ZC3HAV1: variants seen among roughly 807,000 people sequenced by gnomAD.
ZC3HAV1 encodes the protein zinc finger CCCH-type containing, antiviral 1, also known as zinc finger CCCH-type antiviral protein 1.
Under a neutral mutation model 86.6 loss-of-function variants are expected in ZC3HAV1, and 41 were observed. The ratio of observed to expected loss-of-function variants is 0.47; its 90% confidence interval spans 0.37 to 0.61. The LOEUF (loss-of-function observed/expected upper bound fraction) is 0.61, where lower values mean the gene tolerates loss of function less well. ZC3HAV1 is among the 20% of genes least tolerant of loss of function. The pLI is 0.00. For missense variants in ZC3HAV1, 964 were observed against 1,141.1 expected, an observed-to-expected ratio of 0.84 and a Z score of 2.24; for synonymous variants, 421 against 432.1, an observed-to-expected ratio of 0.97 and a Z score of 0.32.
At chr7:139,090,151 C>T (rs1817389147) in intron 1 of ZC3HAV1, among the ~76,000 whole-genome samples, 1 of 152,094 alleles carries the variant, frequency 6.6e-6, no homozygotes, top group Non-Finnish European at 1.5e-5. Context: ...GAACTCCTGA[C>T]CTCAGGTGAT....
chr7:139,043,854 TAGGAAAGTAACAGTTG>T lies in ZC3HAV1; in HGVS notation c.*3724_*3739del, dbSNP rs1815884685. The T allele has an allele frequency of 2.6e-5, 4 of 152,328 alleles. No homozygotes were observed. The South Asian group carries it at 8.3e-4, about 32-fold the overall frequency. The allele number at this position is 152,328 out of a possible 1,614,324, so 9.4% of individuals were successfully genotyped here. ...TGACCTATTCTGTAGAAGGACTCCTTAGGAAAGTAACAGTTGAGCCAATCTAAGGATGCTAGATATT... is the reference window on the plus strand; with the variant it reads ...TGACCTATTCTGTAGAAGGACTCCTTAGCCAATCTAAGGATGCTAGATATT... On this transcript the variant is annotated 3_prime_UTR_variant, in exon 13 of 13. Transcript: ENST00000242351.
At chr7:139,049,698 C>G (rs537809620) in intron 12 of ZC3HAV1, 1 of 153,630 alleles carries the variant, frequency 6.5e-6, no homozygotes, top group East Asian at 1.9e-4. Flanking sequence ...TCAACCCTTA[C>G]GTTCAGCATT....
chr7:139,065,385 C>G (rs1211450953), intron 7 of ZC3HAV1, among the ~76,000 whole-genome samples: 8 of 152,210 alleles, frequency 5.3e-5, no homozygotes, highest in Non-Finnish European at 1.0e-4. Context: ...TGAAATAGAA[C>G]ATCGTGGGCT....
At chr7:139,048,242 G>A (rs752106975) in intron 12 of ZC3HAV1, among the ~76,000 whole-genome samples, 1 of 152,146 alleles carries the variant, frequency 6.6e-6, no homozygotes, top group African/African-American at 2.4e-5. Flanking sequence ...CTCAGATAAC[G>A]ATTGCTGCTT....
chr7:139,060,471 T>A (rs1315045703), intron 9 of ZC3HAV1: 23 of 992,454 alleles, frequency 2.3e-5, no homozygotes, highest in Non-Finnish European at 2.5e-5. Context: ...AACAGCTAGC[T>A]CATCCCTTTT....
chr7:139,088,704 A>G (rs1817346360), intron 2 of ZC3HAV1, among the ~76,000 whole-genome samples: 1 of 152,230 alleles, frequency 6.6e-6, no homozygotes, highest in South Asian at 2.1e-4. Context: ...TAAATATTTT[A>G]GGCTTTGTAG....
intron 2 of ZC3HAV1, among the ~76,000 whole-genome samples, chr7:139,089,129 A>T (rs1049950969): frequency 3.9e-4 from 57 of 147,722 alleles, no homozygotes; most frequent in African/African-American, 1.3e-3. Flanking sequence ...AAAAAAAAAA[A>T]GGGTGGCAGG....
At chr7:139,093,694 C>T (rs1169905095) in intron 1 of ZC3HAV1, among the ~76,000 whole-genome samples, 3 of 152,276 alleles carry the variant, frequency 2.0e-5, no homozygotes, top group African/African-American at 7.2e-5. Context: ...ATAAAACGGC[C>T]CCACCCTCAT....
At chr7:139,066,366 C>G (rs1014936852) in intron 7 of ZC3HAV1, among the ~76,000 whole-genome samples, 4 of 152,116 alleles carry the variant, frequency 2.6e-5, no homozygotes, top group Non-Finnish European at 5.9e-5. Context: ...ACGTCCTGCA[C>G]AGAGAAAGGC....
Position 139,102,728 on chromosome 7 carries a change from T to TACACACAC in ZC3HAV1, c.308+6288_308+6295dup, listed in dbSNP as rs113108708. Among the ~76,000 whole-genome samples, 110 of 139,414 alleles carry TACACACAC rather than the reference T, an allele frequency of 7.9e-4. No homozygotes were observed. The Middle Eastern group carries it at 0.014, about 18-fold the overall frequency. The allele number at this position is 139,414 out of a possible 152,430, so 91.5% of individuals were successfully genotyped here. On this transcript the variant is annotated intron_variant, in intron 1 of 12. Coordinates refer to ENST00000242351, the MANE Select transcript of ZC3HAV1 (RefSeq NM_020119.4). ...GCAAAATAGTGAGACACTGTCTCTA[T>TACACACAC]ACACACACACACACACACACACACA...
At chr7:139,074,791 T>C (rs1584854668) in intron 6 of ZC3HAV1, among the ~76,000 whole-genome samples, 1 of 152,244 alleles carries the variant, frequency 6.6e-6, no homozygotes, top group East Asian at 1.9e-4. Context: ...TGTTAACATA[T>C]AGCAAGCTTA....
At chr7:139,097,994 G>C (rs572107767) in intron 1 of ZC3HAV1, among the ~76,000 whole-genome samples, 8 of 151,974 alleles carry the variant, frequency 5.3e-5, no homozygotes, top group East Asian at 3.9e-4. Context: ...GCCCAGGTTG[G>C]AGGGCAATGG....
At chr7:139,090,954 TCAGGCTCTAG>T (rs1159368644) in intron 1 of ZC3HAV1, among the ~76,000 whole-genome samples, 4 of 152,084 alleles carry the variant, frequency 2.6e-5, no homozygotes, top group African/African-American at 9.7e-5. Context: ...GGCCAGTCAC[TCAGGCTCTAG>T]CGACAGCCTC....
At chr7:139,065,063 T>C (rs1055714703) in intron 7 of ZC3HAV1, 64 bp from the exon 8 acceptor site, 156 of 1,596,686 alleles carry the variant, frequency 9.8e-5, no homozygotes, top group African/African-American at 2.0e-4. Flanking sequence ...TACTGTTATA[T>C]GATTTCGTTT....
intron 1 of ZC3HAV1, among the ~76,000 whole-genome samples, chr7:139,097,428 A>ATATATATATTTTTTTTTTTTTTTT: frequency 2.1e-5 from 1 of 48,158 alleles, no homozygotes; most frequent in African/African-American, 1.1e-4. Context: ...ATATATATAT[A>ATATATATATTTTTTTTTTTTTTTT]TTTTTTTTTT....
rs746590346 is a variant in ZC3HAV1 at position 139,083,937 on chromosome 7, C to T, written c.540G>A (p.Gly180=). The T allele has an allele frequency of 6.8e-6, 11 of 1,613,902 alleles. No individual in the cohort carries two copies. In the East Asian group the frequency reaches 2.5e-4, roughly 36 times the overall value. ...RLHICDHFTR[G]NCRFPNCLRS... ...GGAGGCAGTTGGGAAAACGACAGTT[C>T]CCTCGGGTGAAGTGGTCACAGATGT... The change falls in exon 3 of 13, where the codon GGG becomes GGA. Residue 180 remains glycine, a synonymous_variant. Transcript: ENST00000242351.
intron 12 of ZC3HAV1, chr7:139,049,868 A>G (rs1028282074): frequency 6.5e-6 from 1 of 153,300 alleles, no homozygotes. Context: ...TCTTTCAGAC[A>G]TTTGCTGGCT....
chr7:139,108,079 C>T lies in ZC3HAV1; in HGVS notation c.308+945G>A, dbSNP rs759480891. On this transcript the variant is annotated intron_variant, in intron 1 of 12. Coordinates refer to ENST00000242351, the MANE Select transcript of ZC3HAV1 (RefSeq NM_020119.4). The surrounding 1 kb of genome is among the most constrained non-coding windows in gnomAD (Gnocchi z 4.2). ...CTGGGGGAAAAGATGAGTTTGACTC[C>T]ATGGACAGGACACACGCGGGAGAGG... is the stretch of plus-strand genomic sequence containing the variant. Among the ~76,000 whole-genome samples the T allele has an allele frequency of 6.6e-6, 1 of 152,068 alleles. No individual in the cohort carries two copies.
At chr7:139,104,890 G>A (rs1481592055) in intron 1 of ZC3HAV1, among the ~76,000 whole-genome samples, 1 of 148,692 alleles carries the variant, frequency 6.7e-6, no homozygotes, top group African/African-American at 2.5e-5. Flanking sequence ...AAAATTAGCT[G>A]GGTGTGGTGG....
Sources: gnomAD v4.1 joint callset for allele counts (sites outside exome capture counted in the v4.1 genomes callset) on GRCh38, gnomAD v4.1.1 for gene constraint, Gnocchi (gnomAD v3.1) non-coding constraint, MANE v1.5 for transcripts, NCBI Gene and HGNC (gene_info 2026-07-23, HGNC 2026-07-21) for gene names.